Variants in CSMD1 observed in about 807,000 individuals in gnomAD.
CSMD1 encodes the protein CUB and Sushi multiple domains 1.
CSMD1 carries 213 observed loss-of-function variants against 417.5 expected under a neutral mutation model. The ratio of observed to expected loss-of-function variants is 0.51; its 90% CI spans 0.46 to 0.57. The LOEUF (loss-of-function observed/expected upper bound fraction) is 0.57. CSMD1 is among the 20% of genes least tolerant of loss of function. The pLI is 0.00. For synonymous variants in CSMD1, 2,862 were observed against 1,736.8 expected (o/e 1.65, Z -16.11); for missense variants, 6,923 against 4,529.7 (o/e 1.53, Z -15.17).
At chr8:4,707,608 C>T (rs1418571130) in intron 1 of CSMD1, among the ~76,000 whole-genome samples, 1 of 151,934 alleles carries the variant, frequency 6.6e-6, no homozygotes, top group Admixed American at 6.6e-5. Flanking sequence ...GGGAAAGAGC[C>T]AGCCATGATG....
chr8:4,279,545 T>C (rs560850122), intron 3 of CSMD1, among the ~76,000 whole-genome samples: 4 of 152,216 alleles, frequency 2.6e-5, no homozygotes, highest in African/African-American at 4.8e-5. Flanking sequence ...ACTTTAGCAA[T>C]GTATCCTCTA....
At chr8:3,063,281 C>T (rs1211195660) in intron 49 of CSMD1, among the ~76,000 whole-genome samples, 1 of 152,070 alleles carries the variant, frequency 6.6e-6, no homozygotes, top group Admixed American at 6.6e-5. Flanking sequence ...AGTGACTTAA[C>T]CTATTTCAGC....
intron 3 of CSMD1, among the ~76,000 whole-genome samples, chr8:4,376,935 G>A (rs574295720): frequency 1.3e-5 from 2 of 152,238 alleles, no homozygotes; most frequent in Non-Finnish European, 2.9e-5. Context: ...ATGGAACGGG[G>A]GTAATGTTCA....
chr8:3,960,847 T>C (rs573344277), intron 5 of CSMD1, among the ~76,000 whole-genome samples: 24 of 152,152 alleles, frequency 1.6e-4, no homozygotes, highest in Admixed American at 9.2e-4. Context: ...CGTAACATTG[T>C]CATAAAATGA....
intron 3 of CSMD1, among the ~76,000 whole-genome samples, chr8:4,060,803 G>A (rs1346382175): frequency 3.9e-5 from 6 of 152,126 alleles, no homozygotes; most frequent in African/African-American, 1.2e-4. Flanking sequence ...AAAAAAGGTA[G>A]GAATGGGGCA....
At chr8:3,760,699 C>T (rs915960025) in intron 5 of CSMD1, among the ~76,000 whole-genome samples, 14 of 152,220 alleles carry the variant, frequency 9.2e-5, no homozygotes, top group South Asian at 2.1e-4. Flanking sequence ...TTTTGGATAT[C>T]GCTTTGTTTG....
intron 10 of CSMD1, 143 bp downstream of exon 10, chr8:3,574,802 T>C (rs1349647109): frequency 4.4e-6 from 4 of 899,160 alleles, no homozygotes; most frequent in African/African-American, 3.4e-5. Flanking sequence ...ATGTGGCATC[T>C]AGACACAGGA....
chr8:3,440,305 T>C lies in CSMD1; in HGVS notation c.1561+28407A>G, dbSNP rs1356756752. 2.0e-5 allele frequency among the ~76,000 whole-genome samples: 3 copies of C among 152,200 alleles called. No homozygotes were observed. The East Asian group carries it at 5.8e-4, about 29-fold the overall frequency. Reference sequence around the variant, plus strand: ...ACATACTATATCTCTCTACTTATTTTGATCTTTGGTTTCTTTCAATAGCAT... The same window carrying C: ...ACATACTATATCTCTCTACTTATTTCGATCTTTGGTTTCTTTCAATAGCAT... On this transcript the variant is annotated intron_variant, in intron 12 of 69. Transcript: ENST00000635120.
intron 37 of CSMD1, among the ~76,000 whole-genome samples, chr8:3,178,909 T>C (rs948277872): frequency 3.3e-5 from 5 of 151,980 alleles, no homozygotes; most frequent in Non-Finnish European, 7.4e-5. Flanking sequence ...CTAATTGTAG[T>C]AAGGTTAATT....
At chr8:3,019,058 A>C (rs114802109) in intron 51 of CSMD1, among the ~76,000 whole-genome samples, 14,080 of 152,012 alleles carry the variant, frequency 0.093, 728 homozygotes, top group African/African-American at 0.15. Context: ...GCTGCGATTA[A>C]AGGCGCCTGC....
intron 5 of CSMD1, among the ~76,000 whole-genome samples, chr8:3,875,099 T>C (rs1805727529): frequency 6.7e-6 from 1 of 150,146 alleles, no homozygotes; most frequent in Admixed American, 6.6e-5. Context: ...GACCAGATCC[T>C]AGAGGGGCTT....
chr8:4,425,242 G>C (rs1254423407), intron 2 of CSMD1, among the ~76,000 whole-genome samples: 1 of 151,946 alleles, frequency 6.6e-6, no homozygotes, highest in Non-Finnish European at 1.5e-5. Flanking sequence ...GATACTAAGG[G>C]ATTTTTAAAA....
At chr8:3,364,980 G>A (rs896598545) in intron 20 of CSMD1, among the ~76,000 whole-genome samples, 1 of 152,166 alleles carries the variant, frequency 6.6e-6, no homozygotes, top group African/African-American at 2.4e-5. Flanking sequence ...AGAAACACCT[G>A]CAGAAGTGAA....
chr8:3,613,609 A>G (rs889855740), intron 8 of CSMD1, among the ~76,000 whole-genome samples: 5 of 151,812 alleles, frequency 3.3e-5, no homozygotes, highest in African/African-American at 1.2e-4. Context: ...GAAATTAGTT[A>G]AGCCCTCATA....
chr8:4,279,486 C>A (rs1249197506), intron 3 of CSMD1, among the ~76,000 whole-genome samples: 1 of 152,088 alleles, frequency 6.6e-6, no homozygotes, highest in Non-Finnish European at 1.5e-5. Context: ...TTTTCATGAG[C>A]AGGAATACTG....
intron 25 of CSMD1, among the ~76,000 whole-genome samples, chr8:3,302,443 A>T (rs80287031): frequency 6.6e-6 from 1 of 151,948 alleles, no homozygotes; most frequent in African/African-American, 2.4e-5. Flanking sequence ...CACCTCAGCT[A>T]TTTCTCCTGT....
At chr8:4,399,896 A>C (rs1246093746) in intron 3 of CSMD1, among the ~76,000 whole-genome samples, 3 of 152,184 alleles carry the variant, frequency 2.0e-5, no homozygotes, top group East Asian at 3.9e-4. Flanking sequence ...TCATCATTTT[A>C]AGCTCTCATG....
chr8:4,927,064 G>A (rs946816255), intron 1 of CSMD1, among the ~76,000 whole-genome samples: 1 of 149,080 alleles, frequency 6.7e-6, no homozygotes, highest in Non-Finnish European at 1.5e-5. Context: ...AAAAAAATAG[G>A]GCTGTGTTAT....
intron 2 of CSMD1, among the ~76,000 whole-genome samples, chr8:4,629,908 C>T (rs936983143): frequency 1.3e-5 from 2 of 152,090 alleles, no homozygotes; most frequent in African/African-American, 4.8e-5. Flanking sequence ...TAGGCTTTAA[C>T]TTTCTAAGAG....
Sources: allele counts gnomAD v4.1 joint callset (sites outside exome capture counted in the v4.1 genomes callset), GRCh38; gene constraint gnomAD v4.1.1; transcripts MANE v1.5; gene names NCBI Gene and HGNC (gene_info 2026-07-23, HGNC 2026-07-21).